The following PSD3 variants were observed in gnomAD, a reference collection of about 807,000 sequenced individuals.
PSD3 encodes the protein pleckstrin and Sec7 domain containing 3.
A neutral mutation model predicts 105.5 loss-of-function variants in PSD3; 49 were observed. The ratio of observed to expected loss-of-function variants is 0.46; its 90% CI spans 0.37 to 0.59. The LOEUF is 0.59. Ranked by LOEUF, PSD3 falls within the 20% of genes least tolerant of loss-of-function variation. The pLI is 0.00. For missense variants in PSD3, 1,561 were observed against 1,263.8 expected (o/e 1.24, Z -3.57); for synonymous variants, 557 against 457.8 (o/e 1.22, Z -2.77).
Position 18,535,057 on chromosome 8 carries a change from C to T in PSD3, c.*686G>A, listed in dbSNP as rs534399673. 3.3e-4 allele frequency: 50 copies of T among 152,764 alleles called. No individual in the cohort carries two copies. The highest frequency in any genetic ancestry group is 5.9e-4 in the Non-Finnish European group (40 of 68,062). The allele number at this position is 152,764 out of a possible 1,614,324, so 9.5% of individuals were successfully genotyped here. A position where few individuals can be genotyped will look rare whatever the true frequency, so the allele number is the denominator to read the frequency against. ...CTTCAAAGGCAAAATGACTCCACTT[C>T]CTCTTTCCCTTGCTTGGCTGAAATG... On this transcript the variant is annotated 3_prime_UTR_variant, in exon 16 of 16. Transcript: ENST00000327040.
chr8:18,952,071 T>C (rs1310280950), intron 1 of PSD3, among the ~76,000 whole-genome samples: 2 of 152,172 alleles, frequency 1.3e-5, no homozygotes, highest in Non-Finnish European at 2.9e-5. Context: ...CAACAGACAA[T>C]GCATGAACTA....
intron 10 of PSD3, among the ~76,000 whole-genome samples, chr8:18,649,001 C>A (rs1027257356): frequency 2.0e-5 from 3 of 152,262 alleles, no homozygotes; most frequent in African/African-American, 7.2e-5. Flanking sequence ...GATATCCAGG[C>A]AGACATCTGC....
At chr8:18,801,646 A>G (rs191221119) in intron 6 of PSD3, among the ~76,000 whole-genome samples, 411 of 152,280 alleles carry the variant, frequency 2.7e-3, no homozygotes, top group Non-Finnish European at 4.8e-3. Flanking sequence ...CCTGGCCAAC[A>G]TGGCGAAACC....
At chr8:18,731,960 G>A (rs1031986675) in intron 9 of PSD3, among the ~76,000 whole-genome samples, 2 of 152,146 alleles carry the variant, frequency 1.3e-5, no homozygotes, top group Admixed American at 6.5e-5. Flanking sequence ...GGTTTAATGG[G>A]TAGCAGGAAA....
intron 9 of PSD3, among the ~76,000 whole-genome samples, chr8:18,659,002 A>G (rs1809109810): frequency 6.6e-6 from 1 of 152,152 alleles, no homozygotes; most frequent in South Asian, 2.1e-4. Flanking sequence ...TCCCAGCTCC[A>G]GTATGAAAGT....
chr8:18,662,127 C>T (rs1382207728), intron 9 of PSD3, among the ~76,000 whole-genome samples: 5 of 152,048 alleles, frequency 3.3e-5, no homozygotes, highest in African/African-American at 9.7e-5. Context: ...CCCAAAACCA[C>T]CTAACCATGA....
intron 4 of PSD3, among the ~76,000 whole-genome samples, chr8:18,821,560 A>G (rs929587705): frequency 2.0e-5 from 3 of 149,332 alleles, no homozygotes; most frequent in African/African-American, 7.7e-5. Flanking sequence ...ACAAAACTGA[A>G]TAATATTGTT....
chr8:19,020,044 AT>A (rs1384612679), intron 1 of PSD3, among the ~76,000 whole-genome samples: 3 of 152,076 alleles, frequency 2.0e-5, no homozygotes, highest in Non-Finnish European at 4.4e-5. Context: ...GGTTCAGTTT[AT>A]TTTTTATTAT....
intron 2 of PSD3, among the ~76,000 whole-genome samples, chr8:18,873,474 T>C (rs1325421655): frequency 9.9e-5 from 15 of 152,012 alleles, no homozygotes; most frequent in Non-Finnish European, 1.5e-5. Flanking sequence ...TATATATATA[T>C]AGTATACAAC....
chr8:18,656,728 A>C (rs1808923529), intron 9 of PSD3, among the ~76,000 whole-genome samples: 1 of 151,976 alleles, frequency 6.6e-6, no homozygotes, highest in Admixed American at 6.6e-5. Flanking sequence ...TTTTTTTAAG[A>C]CACAGGGTCT....
chr8:18,596,642 G>T (rs1438729246), intron 12 of PSD3, among the ~76,000 whole-genome samples: 1 of 151,902 alleles, frequency 6.6e-6, no homozygotes, highest in Non-Finnish European at 1.5e-5. Flanking sequence ...GAAACAGGAG[G>T]TATTGCAATT....
chr8:18,777,578 T>G (rs1259820105), intron 8 of PSD3, among the ~76,000 whole-genome samples: 1 of 152,204 alleles, frequency 6.6e-6, no homozygotes, highest in Non-Finnish European at 1.5e-5. Flanking sequence ...GGGGTACATG[T>G]GATATTTTGA....
At chr8:18,595,429 T>C (rs1234539347) in intron 12 of PSD3, among the ~76,000 whole-genome samples, 4 of 118,142 alleles carry the variant, frequency 3.4e-5, no homozygotes, top group Admixed American at 1.8e-4. Context: ...GGGAGTGTGG[T>C]TGAATGTATT....
rs535823305 is a variant in PSD3, at chr8:18,805,280, T to C, written c.1635-382A>G. ...ATAACAAATACTATAAAGATACAACTATTGTTTTCCAGAAGAACTAAAATT... is the reference window on the plus strand; with the variant it reads ...ATAACAAATACTATAAAGATACAACCATTGTTTTCCAGAAGAACTAAAATT... On this transcript the variant is annotated intron_variant, in intron 4 of 15. Coordinates refer to ENST00000327040, the MANE Select transcript of PSD3 (RefSeq NM_015310.4). Among the ~76,000 whole-genome samples the C allele has an allele frequency of 1.2e-3, 179 of 152,302 alleles. 1 individual carries two copies. Among genetic ancestry groups the C allele is most frequent in the Admixed American group, 3.4e-3 (52 of 15,296 alleles).
At chr8:18,674,396 A>G (rs1482149308) in intron 9 of PSD3, among the ~76,000 whole-genome samples, 1 of 152,102 alleles carries the variant, frequency 6.6e-6, no homozygotes, top group Non-Finnish European at 1.5e-5. Context: ...GAACACGTCT[A>G]TCTGGTTTCC....
At chr8:18,616,780 C>G (rs1325494535) in intron 11 of PSD3, among the ~76,000 whole-genome samples, 1 of 151,218 alleles carries the variant, frequency 6.6e-6, no homozygotes, top group African/African-American at 2.4e-5. Flanking sequence ...CCCGCCACCA[C>G]GCCCGGCTCA....
At chr8:19,011,938 C>T (rs1826971395) in intron 1 of PSD3, among the ~76,000 whole-genome samples, 1 of 152,206 alleles carries the variant, frequency 6.6e-6, no homozygotes, top group African/African-American at 2.4e-5. Context: ...AAGAGTACAT[C>T]ACTGAATAAG....
At position 18,935,488 on chromosome 8, in the gene PSD3, T is replaced by C. The variant is rs191294764; in HGVS notation, c.130+546A>G. ...GCCAGGAGTTTGAGACCAGCCTAGG[T>C]AGCATAGCCAGACCCTGTCTCTTAA... On this transcript the variant is annotated intron_variant, in intron 2 of 15. Transcript: ENST00000327040. Among the ~76,000 whole-genome samples the C allele has an allele frequency of 2.5e-4, 37 of 148,270 alleles. No homozygotes were observed. The East Asian group carries it at 6.9e-3, about 28-fold the overall frequency.
At chr8:18,912,097 G>C (rs775138926) in intron 2 of PSD3, among the ~76,000 whole-genome samples, 17 of 152,120 alleles carry the variant, frequency 1.1e-4, no homozygotes, top group Non-Finnish European at 1.8e-4. Flanking sequence ...ATATATTCTT[G>C]TTAACACATC....
Sources: gnomAD v4.1 joint callset for allele counts (sites outside exome capture counted in the v4.1 genomes callset) on GRCh38, gnomAD v4.1.1 for gene constraint, MANE v1.5 for transcripts, NCBI Gene and HGNC (gene_info 2026-07-23, HGNC 2026-07-21) for gene names.